The following AMOTL2 variants were observed in gnomAD, a reference collection of about 807,000 sequenced individuals.
AMOTL2 encodes angiomotin like 2.
Under a neutral mutation model 78.4 loss-of-function variants are expected in AMOTL2, and 33 were observed. That is an observed-to-expected ratio of 0.42 (90% confidence interval 0.32 to 0.56). The LOEUF is 0.56. Ranked by LOEUF, AMOTL2 falls within the 20% of genes least tolerant of loss-of-function variation. AMOTL2 has a pLI of 0.12. For missense variants in AMOTL2, 983 were observed against 1,030.1 expected (o/e 0.95, Z 0.63); for synonymous variants, 422 against 428.8 (o/e 0.98, Z 0.20).
chr3:134,357,384 G>A lies in AMOTL2; in HGVS notation c.*321C>T, dbSNP rs895319266. The A allele has an allele frequency of 1.2e-5, 4 of 335,682 alleles. No individual in the cohort carries two copies. The highest frequency in any genetic ancestry group is 2.3e-5 in the Non-Finnish European group (4 of 177,132). 20.8% of individuals were successfully genotyped at this position (335,682 alleles called of 1,614,324 possible). On this transcript the variant is annotated 3_prime_UTR_variant, in exon 10 of 10. Coordinates refer to ENST00000249883, the MANE Select transcript of AMOTL2 (RefSeq NM_016201.4). ...ACTGACAACTGGCAGGGCAGAGGGA[G>A]CTCAGCTCCTTTCTGAGCTGTCAGT...
At position 134,358,842 on chromosome 3, in the gene AMOTL2, A is replaced by G; in HGVS notation, c.2105-123T>C. The G allele has an allele frequency of 4.5e-6, 5 of 1,121,364 alleles. No individual in the cohort carries two copies. In the South Asian group the frequency reaches 7.0e-5, roughly 16 times the overall value. The allele number at this position is 1,121,364 out of a possible 1,614,324, so 69.5% of individuals were successfully genotyped here. A position where few individuals can be genotyped will look rare whatever the true frequency, so the allele number is the denominator to read the frequency against. On this transcript the variant is annotated intron_variant, in intron 8 of 9. Coordinates refer to ENST00000249883, the MANE Select transcript of AMOTL2 (RefSeq NM_016201.4). The stretch of plus-strand genomic sequence containing the variant: ...AGTGGGCTGCTCTTGATTTGCAAGA[A>G]CTTTAAGACTAAAAATGCTCCTATT...
intron 5 of AMOTL2, among the ~76,000 whole-genome samples, chr3:134,364,709 G>C (rs2017532041): frequency 1.3e-5 from 2 of 151,870 alleles, no homozygotes; most frequent in Non-Finnish European, 2.9e-5. Flanking sequence ...AGATAGGGGT[G>C]CTGCCAGCCA....
Position 134,360,254 on chromosome 3 carries a change from T to C in AMOTL2, c.1735A>G (p.Met579Val). 4.3e-6 allele frequency: 7 copies of C among 1,614,224 alleles called. No individual in the cohort carries two copies. The highest frequency in any genetic ancestry group is 4.2e-6 in the Non-Finnish European group (5 of 1,180,014). ...WEQKYLEERA[M>V]RQFAMDAAAT... Reference sequence around the variant, plus strand: ...GCCGCATCCATGGCAAACTGCCTCATGGCACGTTCCTCCAAATACTTCTGC... The same window carrying C: ...GCCGCATCCATGGCAAACTGCCTCACGGCACGTTCCTCCAAATACTTCTGC... The change falls in exon 7 of 10, where the codon ATG becomes GTG. Residue 579 changes from methionine to valine, a missense_variant. Coordinates refer to ENST00000249883, the MANE Select transcript of AMOTL2 (RefSeq NM_016201.4).
intron 5 of AMOTL2, among the ~76,000 whole-genome samples, chr3:134,364,881 G>C (rs535689197): frequency 4.1e-4 from 62 of 152,236 alleles, no homozygotes; most frequent in African/African-American, 1.5e-3. Context: ...AAAGCTCCTA[G>C]TAGGAGCTCA....
intron 2 of AMOTL2, among the ~76,000 whole-genome samples, chr3:134,368,375 C>T (rs2017701861): frequency 1.3e-5 from 2 of 152,054 alleles, no homozygotes; most frequent in African/African-American, 2.4e-5. Context: ...GTCCTGCCAC[C>T]CCCCACCCCC....
At chr3:134,360,928 C>T (rs1359175814) in intron 6 of AMOTL2, among the ~76,000 whole-genome samples, 1 of 152,230 alleles carries the variant, frequency 6.6e-6, no homozygotes, top group African/African-American at 2.4e-5. Flanking sequence ...AATCCCAGCA[C>T]TTTGGGAGGC....
intron 2 of AMOTL2, among the ~76,000 whole-genome samples, chr3:134,369,058 T>TGCCCCTGACTCTTGCTGCC (rs2017735854): frequency 6.6e-6 from 1 of 152,182 alleles, no homozygotes; most frequent in Non-Finnish European, 1.5e-5. Flanking sequence ...CCATGCAGCC[T>TGCCCCTGACTCTTGCTGCC]ATGGCCCCCC....
upstream of AMOTL2, chr3:134,374,709 C>A: frequency 1.0e-6 from 1 of 982,048 alleles, no homozygotes; most frequent in South Asian, 4.7e-5. Context: ...CCCTCCAGGC[C>A]GCGGTGTGTC....
At chr3:134,358,758 G>C in intron 8 of AMOTL2, 39 bp from the exon 9 acceptor site, 2 of 1,611,442 alleles carry the variant, frequency 1.2e-6, no homozygotes, top group East Asian at 2.2e-5. Context: ...ATGCCTGTAA[G>C]ATGTGGCCCT....
At position 134,366,267 on chromosome 3, in the gene AMOTL2, T is replaced by A. The variant is rs1185282526; in HGVS notation, c.1186+16A>T. Reference sequence around the variant, plus strand: ...GCAGAGGTTCTCCAACCTCCACCTGTGTGACTGGCTCTCACCTCTAAGATC... The same window carrying A: ...GCAGAGGTTCTCCAACCTCCACCTGAGTGACTGGCTCTCACCTCTAAGATC... On this transcript the variant is annotated intron_variant, in intron 4 of 9. Transcript: ENST00000249883. 2 of 1,613,108 alleles carry A rather than the reference T, an allele frequency of 1.2e-6. No homozygotes were observed. Among genetic ancestry groups the A allele is most frequent in the South Asian group, 2.2e-5 (2 of 90,780 alleles).
At chr3:134,366,214 T>C (rs2017596699) in intron 4 of AMOTL2, 69 bp downstream of exon 4, 2 of 1,554,356 alleles carry the variant, frequency 1.3e-6, no homozygotes, top group Non-Finnish European at 8.7e-7. Context: ...TCCCAATTTT[T>C]CTCTAGAACA....
intron 8 of AMOTL2, 122 bp downstream of exon 8, chr3:134,359,161 G>T: frequency 9.1e-7 from 1 of 1,093,262 alleles, no homozygotes; most frequent in Non-Finnish European, 1.4e-6. Flanking sequence ...CAGCTCCCCT[G>T]GAAGAGGGTC....
chr3:134,359,719 C>T (rs2017263010), intron 7 of AMOTL2, among the ~76,000 whole-genome samples: 1 of 152,198 alleles, frequency 6.6e-6, no homozygotes, highest in Non-Finnish European at 1.5e-5. Flanking sequence ...CTCTGAAAAC[C>T]ACCAGTGCAT....
chr3:134,374,573 C>A, upstream of AMOTL2: 2 of 985,640 alleles, frequency 2.0e-6, no homozygotes, highest in Non-Finnish European at 2.4e-6. Flanking sequence ...CCTCTCAGCG[C>A]ACCGCCCTCC....
At position 134,367,509 on chromosome 3, in the gene AMOTL2, G is replaced by T. The variant is rs1203877717; in HGVS notation, c.1029C>A (p.Gly343=). The T allele has an allele frequency of 8.1e-6, 13 of 1,611,838 alleles. No homozygotes were observed. The highest frequency in any genetic ancestry group is 1.1e-5 in the Non-Finnish European group (13 of 1,179,878). The change falls in exon 3 of 10, where the codon GGC becomes GGA. Residue 343 remains glycine, a synonymous_variant. Transcript: ENST00000249883. ...CAGCAGGGCCTACCTTCTCAATGCGGCCAGCCTTCTCCGCAGAGCTCTCCA... is the reference window on the plus strand; with the variant it reads ...CAGCAGGGCCTACCTTCTCAATGCGTCCAGCCTTCTCCGCAGAGCTCTCCA... ...RELESSAEKA[G]RIEKLESEIQ...
At chr3:134,373,842 A>T in intron 1 of AMOTL2, 1 of 984,996 alleles carries the variant, frequency 1.0e-6, no homozygotes, top group Non-Finnish European at 1.2e-6. Context: ...GCTGGACAGC[A>T]GGCTGCATTC....
chr3:134,365,235 T>C (rs760150142), intron 5 of AMOTL2, among the ~76,000 whole-genome samples: 5 of 152,238 alleles, frequency 3.3e-5, no homozygotes, highest in African/African-American at 9.7e-5. Context: ...CATCTGCTAA[T>C]GAATGAATAA....
intron 9 of AMOTL2, among the ~76,000 whole-genome samples, chr3:134,358,229 T>C (rs2017161155): frequency 6.6e-6 from 1 of 152,328 alleles, no homozygotes; most frequent in Middle Eastern, 3.4e-3. Flanking sequence ...GATAATCAAA[T>C]TGGAAATTAA....
intron 2 of AMOTL2, among the ~76,000 whole-genome samples, chr3:134,368,693 G>A (rs1268873995): frequency 1.3e-5 from 2 of 152,150 alleles, no homozygotes; most frequent in African/African-American, 2.4e-5. Flanking sequence ...CTTCTAGTAG[G>A]AGCCTCAGTT....
Sources: gnomAD v4.1 joint callset for allele counts (sites outside exome capture counted in the v4.1 genomes callset) on GRCh38, gnomAD v4.1.1 for gene constraint, MANE v1.5 for transcripts, NCBI Gene and HGNC (gene_info 2026-07-23, HGNC 2026-07-21) for gene names.